The following XPO1 variants were observed in gnomAD, a reference collection of about 807,000 sequenced individuals.
XPO1 encodes the protein exportin-1.
Under a neutral mutation model 133.3 loss-of-function variants are expected in XPO1, and 5 were observed. The observed-to-expected ratio is 0.04, with a 90% confidence interval of 0.02 to 0.08. The LOEUF is 0.08. Ranked by LOEUF, XPO1 falls within the 10% of genes least tolerant of loss-of-function variation. XPO1 has a pLI of 1.00. For missense variants in XPO1, 506 were observed against 1,267.5 expected, an observed-to-expected ratio of 0.40 and a Z score of 9.12; for synonymous variants, 419 against 408.2, an observed-to-expected ratio of 1.03 and a Z score of -0.32.
At chr2:61,506,631 CACTTAAAAATAAA>C (rs1401172953) in intron 4 of XPO1, among the ~76,000 whole-genome samples, 2 of 137,766 alleles carry the variant, frequency 1.5e-5, no homozygotes, top group Non-Finnish European at 3.2e-5. Context: ...TGTTAAACTG[CACTTAAAAATAAA>C]TTAGTACACT....
intron 2 of XPO1, 46 bp downstream of exon 2, chr2:61,533,726 C>G (rs1186687333): frequency 2.1e-6 from 3 of 1,443,870 alleles, no homozygotes; most frequent in African/African-American, 1.5e-5. Context: ...CCCAACAACT[C>G]TGTTACACTG....
At chr2:61,536,108 T>C (rs1315552959) in intron 1 of XPO1, 1 of 152,252 alleles carries the variant, frequency 6.6e-6, no homozygotes, top group East Asian at 1.9e-4. Flanking sequence ...TTCTCCGAAC[T>C]AGACTGATGT....
At chr2:61,507,694 A>G (rs1424100313) in intron 4 of XPO1, among the ~76,000 whole-genome samples, 1 of 152,160 alleles carries the variant, frequency 6.6e-6, no homozygotes, top group East Asian at 1.9e-4. Flanking sequence ...CCTGGCCAAC[A>G]TGGCAAAACC....
intron 6 of XPO1, among the ~76,000 whole-genome samples, chr2:61,501,721 C>CAAAAAA (rs34659499): frequency 2.7e-5 from 3 of 111,362 alleles, no homozygotes; most frequent in African/African-American, 6.9e-5. Flanking sequence ...AGACTGTCTC[C>CAAAAAA]AAAAAAAAAA....
rs558897842 is a variant in XPO1, at chr2:61,497,668, C to G, written c.760-661G>C. Among the ~76,000 whole-genome samples, 26 of 152,160 alleles carry G rather than the reference C, an allele frequency of 1.7e-4. No individual in the cohort carries two copies. In the South Asian group the frequency reaches 4.4e-3, roughly 25 times the overall value. On this transcript the variant is annotated intron_variant, in intron 9 of 24. Coordinates refer to ENST00000401558, the MANE Select transcript of XPO1 (RefSeq NM_003400.4). ...GAATTTTGGGAAATGGTCAATGTAT[C>G]TAAGAGTAATAAGAATATGGGAAAA... is the stretch of plus-strand genomic sequence containing the variant.
At chr2:61,506,686 CAAATAAAT>C (rs202036818) in intron 4 of XPO1, among the ~76,000 whole-genome samples, 1,721 of 149,498 alleles carry the variant, frequency 0.012, 32 homozygotes, top group African/African-American at 0.038. Context: ...GACTCCACCT[CAAATAAAT>C]AAATAAATAA....
At chr2:61,488,023 GGAC>G in intron 19 of XPO1, 139 bp downstream of exon 19, 1 of 657,110 alleles carries the variant, frequency 1.5e-6, no homozygotes, top group Non-Finnish European at 2.6e-6. Context: ...ATTAACGTAA[GGAC>G]TACAATAAAT....
intron 23 of XPO1, among the ~76,000 whole-genome samples, chr2:61,481,526 G>A (rs1215790894): frequency 1.3e-5 from 2 of 151,732 alleles, no homozygotes; most frequent in Admixed American, 6.6e-5. Context: ...TCGCACAATC[G>A]CGGCTCACCG....
At chr2:61,512,082 T>G (rs1050910560) in intron 4 of XPO1, among the ~76,000 whole-genome samples, 3 of 152,170 alleles carry the variant, frequency 2.0e-5, no homozygotes, top group Non-Finnish European at 4.4e-5. Context: ...AGTATATTTC[T>G]TACATTATCC....
At chr2:61,490,516 A>T in intron 17 of XPO1, 126 bp downstream of exon 17, 2 of 1,332,886 alleles carry the variant, frequency 1.5e-6, no homozygotes, top group Non-Finnish European at 2.1e-6. Flanking sequence ...TAAATTATAG[A>T]AAGACACACA....
chr2:61,491,102 T>C (rs569550994), intron 16 of XPO1, among the ~76,000 whole-genome samples: 2 of 152,056 alleles, frequency 1.3e-5, no homozygotes, highest in East Asian at 1.9e-4. Flanking sequence ...TGAGCCGAGA[T>C]TGCAATACTG....
intron 4 of XPO1, chr2:61,502,587 TAC>T: frequency 7.7e-6 from 2 of 258,754 alleles, no homozygotes; most frequent in South Asian, 5.1e-5. Context: ...ACCCTGTCTC[TAC>T]TAAAAATACA....
At chr2:61,506,694 T>C (rs1350845997) in intron 4 of XPO1, among the ~76,000 whole-genome samples, 1 of 145,020 alleles carries the variant, frequency 6.9e-6, no homozygotes, top group African/African-American at 2.7e-5. Flanking sequence ...CTCAAATAAA[T>C]AAATAAATAA....
At chr2:61,491,455 A>ACACACACACAC (rs1558637988) in intron 16 of XPO1, among the ~76,000 whole-genome samples, 4 of 91,308 alleles carry the variant, frequency 4.4e-5, no homozygotes, top group African/African-American at 1.8e-4. Flanking sequence ...CATCTCAAAA[A>ACACACACACAC]ACAAACACAC....
At position 61,495,499 on chromosome 2, in the gene XPO1, G is replaced by C; in HGVS notation, c.1003C>G (p.Gln335Glu). The C allele has an allele frequency of 6.3e-7, 1 of 1,578,760 alleles. No homozygotes were observed. The highest frequency in any genetic ancestry group is 1.7e-5 in the Admixed American group (1 of 57,776). The change falls in exon 11 of 25, where the codon CAA becomes GAA. Residue 335 changes from glutamine (Q) to glutamate (E), a missense_variant. By Grantham distance (29) the Gln-to-Glu change is conservative. Transcript: ENST00000401558. ...AGATTTAATCTTTTTTCTATAAGTT[G>C]ATCATGTTCCTTAAGAAAGGTGCAG... ...FLCTFLKEHD[Q>E]LIEKRLNLRE...
chr2:61,505,777 C>A (rs764008368), intron 4 of XPO1, among the ~76,000 whole-genome samples: 3 of 152,130 alleles, frequency 2.0e-5, no homozygotes, highest in Non-Finnish European at 4.4e-5. Flanking sequence ...CAGGCCATCT[C>A]GAACTCCTGA....
intron 10 of XPO1, 149 bp from the exon 11 acceptor site, chr2:61,495,762 C>A: frequency 1.4e-6 from 1 of 703,214 alleles, no homozygotes; most frequent in Non-Finnish European, 2.0e-6. Context: ...GCCTCCACCT[C>A]CTAGGCCCAA....
intron 11 of XPO1, chr2:61,494,672 A>C (rs1697153155): frequency 6.6e-6 from 1 of 152,558 alleles, no homozygotes; most frequent in African/African-American, 2.4e-5. Context: ...TTTAGGGGTA[A>C]AGGGTCACCT....
At chr2:61,503,013 T>C (rs1196913484) in intron 4 of XPO1, among the ~76,000 whole-genome samples, 1 of 150,340 alleles carries the variant, frequency 6.7e-6, no homozygotes, top group Non-Finnish European at 1.5e-5. Flanking sequence ...TCACACACAC[T>C]GGAGTGCAGT....
Sources: allele counts gnomAD v4.1 joint callset (sites outside exome capture counted in the v4.1 genomes callset), GRCh38; gene constraint gnomAD v4.1.1; transcripts MANE v1.5; gene names NCBI Gene and HGNC (gene_info 2026-07-23, HGNC 2026-07-21).